Variants in ZNFX1 observed in about 807,000 individuals in gnomAD.
The protein encoded by ZNFX1 is NFX1-type zinc finger-containing protein 1.
ZNFX1 carries 78 observed loss-of-function variants against 179.8 expected under a neutral mutation model. That is an observed-to-expected ratio of 0.43 (90% confidence interval 0.36 to 0.52). ZNFX1 has a LOEUF of 0.52. Ranked by LOEUF, ZNFX1 falls within the 20% of genes least tolerant of loss-of-function variation. ZNFX1 has a pLI of 0.00. For missense variants in ZNFX1, 1,927 were observed against 2,386.6 expected, an observed-to-expected ratio of 0.81 and a Z score of 4.01; for synonymous variants, 848 against 868.5, an observed-to-expected ratio of 0.98 and a Z score of 0.42.
intron 13 of ZNFX1, among the ~76,000 whole-genome samples, chr20:49,250,608 G>A (rs954251549): frequency 6.6e-6 from 1 of 152,098 alleles, no homozygotes; most frequent in African/African-American, 2.4e-5. Context: ...AAGTACAGTG[G>A]CACGGTCTTG....
At chr20:49,273,077 A>G (rs1399194147) in intron 2 of ZNFX1, among the ~76,000 whole-genome samples, 1 of 152,206 alleles carries the variant, frequency 6.6e-6, no homozygotes, top group Non-Finnish European at 1.5e-5. Context: ...GACATCAGAT[A>G]CTAAATTGAT....
chr20:49,270,830 C>A lies in ZNFX1; in HGVS notation c.982G>T (p.Asp328Tyr), dbSNP rs1981366038. The A allele has an allele frequency of 1.2e-6, 2 of 1,614,190 alleles. No homozygotes were observed. Among genetic ancestry groups the A allele is most frequent in the East Asian group, 4.5e-5 (2 of 44,886 alleles). Reference sequence around the variant, plus strand: ...ATGGTTCGGTAGCTCTCAACATGGTCTTCTGCCTCAGGCTGCACTAGAGTG... The same window carrying A: ...ATGGTTCGGTAGCTCTCAACATGGTATTCTGCCTCAGGCTGCACTAGAGTG... ...TYTLVQPEAE[D>Y]HVESYRTMPI... Residue 328 changes from aspartate to tyrosine, a missense_variant, in exon 3 of 14, where the codon GAC becomes TAC. Physicochemically the swap from Asp to Tyr is radical, Grantham distance 160. Coordinates refer to ENST00000396105, the MANE Select transcript of ZNFX1 (RefSeq NM_021035.3). This position sits in a 1 kb window ranked among gnomAD's most constrained non-coding sequence, Gnocchi z 4.6.
chr20:49,251,747 C>CAAAGTGATGGG, intron 12 of ZNFX1, 125 bp from the exon 13 acceptor site: 2 of 697,524 alleles, frequency 2.9e-6, no homozygotes, highest in South Asian at 2.2e-5. Context: ...TCTGTAATCC[C>CAAAGTGATGGG]ATCACTTTGG....
In ZNFX1 at chr20:49,249,379, G is replaced by A. The variant is rs912597826; in HGVS notation, c.3645C>T (p.Asn1215=). 4.3e-6 allele frequency: 7 copies of A among 1,614,262 alleles called. No individual in the cohort carries two copies. The highest frequency in any genetic ancestry group is 5.1e-6 in the Non-Finnish European group (6 of 1,180,056). ...EGKVGFLQIS[N]RICVALSRAK... is the part of the protein sequence containing the mutation. ...CTCGGGACAAGGCCACACAGATGCG[G>A]TTGGATATCTGCAGAAAACCCACCT... The change falls in exon 14 of 14, where the codon AAC becomes AAT. Residue 1215 remains asparagine (N), a synonymous_variant. Transcript: ENST00000396105.
At chr20:49,276,482 C>T (rs1336126396) in intron 1 of ZNFX1, among the ~76,000 whole-genome samples, 2 of 152,208 alleles carry the variant, frequency 1.3e-5, no homozygotes, top group Admixed American at 6.5e-5. Flanking sequence ...TTACATGTTT[C>T]AATAACCAGG....
intron 2 of ZNFX1, among the ~76,000 whole-genome samples, chr20:49,273,969 C>T (rs1178066834): frequency 6.6e-6 from 1 of 152,176 alleles, no homozygotes; most frequent in East Asian, 1.9e-4. Context: ...CACAAGAGCC[C>T]ATAGTTCTTC....
At chr20:49,254,089 C>T (rs556826157) in intron 10 of ZNFX1, among the ~76,000 whole-genome samples, 9 of 151,260 alleles carry the variant, frequency 6.0e-5, no homozygotes, top group Admixed American at 2.0e-4. Context: ...TGCAGTGGTG[C>T]GATCTCAGCT....
chr20:49,266,100 T>A lies in ZNFX1; in HGVS notation c.2002+35A>T, dbSNP rs752498861. ...GTTGCTGATGGTTCAATCATCAACA[T>A]CTTGATAGAGAACAAATTTGCCTAT... On this transcript the variant is annotated intron_variant, in intron 4 of 13. Coordinates refer to ENST00000396105, the MANE Select transcript of ZNFX1 (RefSeq NM_021035.3). The A allele has an allele frequency of 3.7e-6, 6 of 1,600,144 alleles. No homozygotes were observed. In the African/African-American group the frequency reaches 8.1e-5, roughly 22 times the overall value.
At chr20:49,262,388 G>A (rs1488524273) in intron 6 of ZNFX1, among the ~76,000 whole-genome samples, 6 of 140,006 alleles carry the variant, frequency 4.3e-5, no homozygotes, top group Non-Finnish European at 9.1e-5. Context: ...CCTGGGGTGA[G>A]AGAGTGAGAA....
In ZNFX1 at chr20:49,270,524, C is replaced by G; in HGVS notation, c.1288G>C (p.Val430Leu). Residue 430 changes from valine (V) to leucine (L), a missense_variant, in exon 3 of 14, where the codon GTG becomes CTG. By Grantham distance (32) the Val-to-Leu change is conservative (BLOSUM62 1). Coordinates refer to ENST00000396105, the MANE Select transcript of ZNFX1 (RefSeq NM_021035.3). This position sits in a 1 kb window ranked among gnomAD's most constrained non-coding sequence, Gnocchi z 4.6. Reference protein sequence around the residue: ...MCSSSGIVYKVQFDTKPLKFV... With the variant: ...MCSSSGIVYKLQFDTKPLKFV... ...TTCAGTGGTTTTGTGTCAAACTGCA[C>G]CTTGTAGACTATGCCTGATGATGAA... The G allele has an allele frequency of 6.2e-7, 1 of 1,614,240 alleles. No individual in the cohort carries two copies. The highest frequency in any genetic ancestry group is 8.5e-7 in the Non-Finnish European group (1 of 1,180,046).
At position 49,271,588 on chromosome 20, in the gene ZNFX1, C is replaced by CAGG; in HGVS notation, c.223_224insCCT (p.Arg75delinsThrTrp). On this transcript the variant is annotated protein_altering_variant, in exon 3 of 14. Coordinates refer to ENST00000396105, the MANE Select transcript of ZNFX1 (RefSeq NM_021035.3). Reference sequence around the variant, plus strand: ...GTTCCTCCTTCCTTGATGTGGGTTCCTGCCCATGGCCCTAAATCTCTCTTC... The same window carrying CAGG: ...GTTCCTCCTTCCTTGATGTGGGTTCCAGGTGCCCATGGCCCTAAATCTCTCTTC... 1 of 1,614,168 alleles carries CAGG rather than the reference C, an allele frequency of 6.2e-7. No homozygotes were observed. Among genetic ancestry groups the CAGG allele is most frequent in the Non-Finnish European group, 8.5e-7 (1 of 1,180,032 alleles).
At position 49,271,496 on chromosome 20, in the gene ZNFX1, T is replaced by TC; in HGVS notation, c.315dup (p.Arg106GlufsTer8). 1 of 1,614,192 alleles carries TC rather than the reference T, an allele frequency of 6.2e-7. No individual in the cohort carries two copies. The highest frequency in any genetic ancestry group is 8.5e-7 in the Non-Finnish European group (1 of 1,180,026). On this transcript the variant is annotated frameshift_variant, in exon 3 of 14. Transcript: ENST00000396105. LOFTEE classifies it high-confidence loss of function. Reference sequence around the variant, plus strand: ...TTCCTACAGTCCTGGTTGCCATTTCTCCACCTGGTGTCATTCTCCTGGTCA... The same window carrying TC: ...TTCCTACAGTCCTGGTTGCCATTTCTCCCACCTGGTGTCATTCTCCTGGTCA...
Position 49,248,079 on chromosome 20 carries a change from T to C in ZNFX1, c.4945A>G (p.Lys1649Glu). ...ATTTCCCCTGCTGAGCCCTGGATCT[T>C]TTCCTTGATGATTTCAATCTCTTCT... is the stretch of plus-strand genomic sequence containing the variant. ...RLEEIEIIKE[K>E]IQGSAGEIAT... is the part of the protein sequence containing the mutation. The change falls in exon 14 of 14, where the codon AAG becomes GAG. Residue 1649 changes from lysine to glutamate, a missense_variant. Transcript: ENST00000396105. This position sits in a 1 kb window ranked among gnomAD's most constrained non-coding sequence, Gnocchi z 4.6. 1 of 1,614,186 alleles carries C rather than the reference T, an allele frequency of 6.2e-7. No individual in the cohort carries two copies. The highest frequency in any genetic ancestry group is 8.5e-7 in the Non-Finnish European group (1 of 1,180,038).
chr20:49,247,078 A>G lies in ZNFX1; in HGVS notation c.*189T>C, dbSNP rs1980694015. The stretch of plus-strand genomic sequence containing the variant: ...GAGACGGGGTTTCGCCATGTTGGTC[A>G]GGCTGGTCTCGAACTCCTGACCTCG... On this transcript the variant is annotated 3_prime_UTR_variant, in exon 14 of 14. Transcript: ENST00000396105. 1.5e-6 allele frequency: 1 copy of G among 672,776 alleles called. No individual in the cohort carries two copies. Among genetic ancestry groups the G allele is most frequent in the Non-Finnish European group, 2.4e-6 (1 of 409,180 alleles). 41.7% of individuals were successfully genotyped at this position (672,776 alleles called of 1,614,324 possible). A position where few individuals can be genotyped will look rare whatever the true frequency, so the allele number is the denominator to read the frequency against.
At chr20:49,269,860 T>C in intron 3 of ZNFX1, 82 bp downstream of exon 3, 4 of 1,451,850 alleles carry the variant, frequency 2.8e-6, no homozygotes, top group Admixed American at 2.3e-5. Context: ...TAAGAAGACA[T>C]TCTAGAAACC....
intron 1 of ZNFX1, 118 bp from the exon 2 acceptor site, chr20:49,276,005 T>A (rs1981547586): frequency 1.6e-6 from 1 of 628,328 alleles, no homozygotes; most frequent in South Asian, 2.0e-5. Flanking sequence ...TAACTAAGGG[T>A]TAAATACAGA....
chr20:49,263,411 C>A lies in ZNFX1; in HGVS notation c.2224G>T (p.Gly742Cys). ...TGCAGGTACTGTTCCCGTAGGACAC[C>A]ACGCATGGTGCACTCCAGGGTCTTG... Reference protein sequence around the residue: ...GAKTLECTMRGVLREQYLQKY... With the variant: ...GAKTLECTMRCVLREQYLQKY... The change falls in exon 6 of 14, where the codon GGT becomes TGT. Residue 742 changes from glycine (G) to cysteine (C), a missense_variant. By Grantham distance (159) the Gly-to-Cys change is radical. Transcript: ENST00000396105. 3 of 1,613,386 alleles carry A rather than the reference C, an allele frequency of 1.9e-6. No individual in the cohort carries two copies. Among genetic ancestry groups the A allele is most frequent in the Non-Finnish European group, 2.5e-6 (3 of 1,179,708 alleles).
Position 49,270,937 on chromosome 20 carries a change from T to C in ZNFX1, c.875A>G (p.Glu292Gly), listed in dbSNP as rs760889878. ...AGTCTGTACCTTTTCCAGGTTCTTC[T>C]CCGTTTCCTCTTCTATGTCAACACC... is the stretch of plus-strand genomic sequence containing the variant. ...ASGVDIEEET[E>G]KNLEKVQTII... is the part of the protein sequence containing the mutation. The change falls in exon 3 of 14, where the codon GAG (glutamate) becomes GGG (glycine). Residue 292 changes from glutamate to glycine, a missense_variant. Transcript: ENST00000396105. This position sits in a 1 kb window ranked among gnomAD's most constrained non-coding sequence, Gnocchi z 4.6. 6.2e-7 allele frequency: 1 copy of C among 1,614,194 alleles called. No homozygotes were observed. Among genetic ancestry groups the C allele is most frequent in the Non-Finnish European group, 8.5e-7 (1 of 1,180,040 alleles).
Position 49,255,849 on chromosome 20 carries a change from A to G in ZNFX1, c.2763T>C (p.Asp921=), listed in dbSNP as rs1009075315. The G allele has an allele frequency of 4.3e-6, 7 of 1,613,994 alleles. No individual in the cohort carries two copies. The highest frequency in any genetic ancestry group is 5.9e-6 in the Non-Finnish European group (7 of 1,179,992). ...MTAAEANEIE[D]VWQLDLSSRW... is the part of the protein sequence containing the mutation. The stretch of plus-strand genomic sequence containing the variant: ...GAGAACTGAGGTCCAGCTGCCAAAC[A>G]TCCTCGATCTCGTTGGCCTCGGCTG... Residue 921 remains aspartate (D), a synonymous_variant, in exon 9 of 14, where the codon GAT becomes GAC. Coordinates refer to ENST00000396105, the MANE Select transcript of ZNFX1 (RefSeq NM_021035.3).
Sources: allele counts gnomAD v4.1 joint callset (sites outside exome capture counted in the v4.1 genomes callset), GRCh38; gene constraint gnomAD v4.1.1; non-coding constraint Gnocchi (gnomAD v3.1); transcripts MANE v1.5; gene names NCBI Gene and HGNC (gene_info 2026-07-23, HGNC 2026-07-21).